TBC1D4: variants seen among roughly 807,000 people sequenced by gnomAD.
The protein encoded by TBC1D4 is TBC (Tre-2, BUB2, CDC16) domain-containing protein.
TBC1D4 carries 121 observed loss-of-function variants against 142.5 expected under a neutral mutation model. The ratio of observed to expected loss-of-function variants is 0.85; its 90% CI spans 0.73 to 0.99. TBC1D4 has a LOEUF of 0.99. Ranked by LOEUF, TBC1D4 falls within the 50% of genes least tolerant of loss-of-function variation. The probability of loss-of-function intolerance (pLI) is 0.00; values close to 1 mark genes in which losing one functional copy is unlikely to be tolerated. For synonymous variants in TBC1D4, 630 were observed against 628.2 expected, an observed-to-expected ratio of 1.00 and a Z score of -0.04; for missense variants, 1,475 against 1,606.6, an observed-to-expected ratio of 0.92 and a Z score of 1.40.
chr13:75,344,631 CA>C (rs1314436301), intron 5 of TBC1D4, among the ~76,000 whole-genome samples: 2 of 152,144 alleles, frequency 1.3e-5, no homozygotes, highest in Non-Finnish European at 2.9e-5. Flanking sequence ...TGGGAAACAG[CA>C]TTCCCCTTCG....
chr13:75,405,514 T>C (rs1885297500), intron 1 of TBC1D4, among the ~76,000 whole-genome samples: 1 of 152,146 alleles, frequency 6.6e-6, no homozygotes, highest in Admixed American at 6.5e-5. Context: ...TCAGGCAATA[T>C]GCCCGCCTTG....
At position 75,284,332 on chromosome 13, in the gene TBC1D4, G is replaced by C. The variant is rs1368671992; in HGVS notation, c.*2460C>G. ...ATTATTATATACTCACCATAATGTA[G>C]AATTAGTGGGAACCCTGACTGTTTT... On this transcript the variant is annotated 3_prime_UTR_variant, in exon 21 of 21. Transcript: ENST00000377636. Among the ~76,000 whole-genome samples, 1 of 152,066 alleles carries C rather than the reference G, an allele frequency of 6.6e-6. No homozygotes were observed. Among genetic ancestry groups the C allele is most frequent in the Non-Finnish European group, 1.5e-5 (1 of 68,016 alleles).
chr13:75,431,664 C>T (rs901142989), intron 1 of TBC1D4, among the ~76,000 whole-genome samples: 1 of 152,132 alleles, frequency 6.6e-6, no homozygotes, highest in Non-Finnish European at 1.5e-5. Context: ...TTTCATATTG[C>T]ATTCTTCTTA....
At chr13:75,405,789 C>T (rs1237815338) in intron 1 of TBC1D4, among the ~76,000 whole-genome samples, 6 of 151,734 alleles carry the variant, frequency 4.0e-5, no homozygotes, top group Admixed American at 2.6e-4. Flanking sequence ...GTTAAATTAA[C>T]CACTATGTAC....
chr13:75,420,191 G>T (rs1459556641), intron 1 of TBC1D4, among the ~76,000 whole-genome samples: 1 of 152,170 alleles, frequency 6.6e-6, no homozygotes, highest in Non-Finnish European at 1.5e-5. Flanking sequence ...TCCAGAAGGG[G>T]TGGGGGACTT....
chr13:75,377,587 C>A (rs1200093279), intron 1 of TBC1D4, among the ~76,000 whole-genome samples: 1 of 151,612 alleles, frequency 6.6e-6, no homozygotes, highest in Non-Finnish European at 1.5e-5. Flanking sequence ...AAAAACAAGA[C>A]ATTCGGTTAC....
chr13:75,372,274 CTTT>C (rs5804806), intron 1 of TBC1D4, among the ~76,000 whole-genome samples: 1 of 147,906 alleles, frequency 6.8e-6, no homozygotes, highest in Non-Finnish European at 1.5e-5. Flanking sequence ...TTAAGGCTCA[CTTT>C]TTTTTTTTTG....
chr13:75,378,159 G>C (rs1329276683), intron 1 of TBC1D4, among the ~76,000 whole-genome samples: 1 of 151,998 alleles, frequency 6.6e-6, no homozygotes, highest in Non-Finnish European at 1.5e-5. Context: ...ACACATACCA[G>C]CTTATGTAAT....
intron 1 of TBC1D4, among the ~76,000 whole-genome samples, chr13:75,380,537 AT>A (rs11366604): frequency 0.49 from 71,979 of 148,342 alleles, 17,909 homozygotes; most frequent in South Asian, 0.7. Flanking sequence ...ACTAGATAAG[AT>A]TTTTTTTTTT....
At chr13:75,367,178 G>C (rs1257214399) in intron 1 of TBC1D4, among the ~76,000 whole-genome samples, 2 of 152,126 alleles carry the variant, frequency 1.3e-5, no homozygotes, top group Non-Finnish European at 2.9e-5. Context: ...AAAGAGCAAA[G>C]CTTTAGCTTT....
chr13:75,350,814 T>A (rs1039005603), intron 4 of TBC1D4, among the ~76,000 whole-genome samples: 8 of 152,182 alleles, frequency 5.3e-5, no homozygotes, highest in African/African-American at 1.9e-4. Context: ...TGGGTCATGG[T>A]GTCTGAAATG....
intron 1 of TBC1D4, among the ~76,000 whole-genome samples, chr13:75,398,529 G>C (rs1048846017): frequency 6.6e-6 from 1 of 152,132 alleles, no homozygotes; most frequent in Non-Finnish European, 1.5e-5. Context: ...ATGAACTTGG[G>C]GGTCAACTTA....
chr13:75,329,498 G>T (rs1414848927), intron 8 of TBC1D4, among the ~76,000 whole-genome samples: 1 of 146,972 alleles, frequency 6.8e-6, no homozygotes, highest in African/African-American at 2.5e-5. Flanking sequence ...CTGTGTTTCT[G>T]CCCCAATCTG....
chr13:75,383,994 G>A (rs1161638318), intron 1 of TBC1D4, among the ~76,000 whole-genome samples: 11 of 152,044 alleles, frequency 7.2e-5, no homozygotes, highest in African/African-American at 2.2e-4. Flanking sequence ...GGAAGGGGGA[G>A]GGATAGCATT....
At chr13:75,445,780 G>A (rs1178562996) in intron 1 of TBC1D4, among the ~76,000 whole-genome samples, 3 of 152,176 alleles carry the variant, frequency 2.0e-5, no homozygotes, top group Non-Finnish European at 1.5e-5. Flanking sequence ...AAAAATGTAA[G>A]CAAATCAAAA....
intron 1 of TBC1D4, among the ~76,000 whole-genome samples, chr13:75,417,871 C>T (rs1339999378): frequency 6.6e-6 from 1 of 152,128 alleles, no homozygotes; most frequent in Non-Finnish European, 1.5e-5. Context: ...ATGTTCACAT[C>T]GTGCCAATTA....
chr13:75,417,668 T>C (rs1885977740), intron 1 of TBC1D4, among the ~76,000 whole-genome samples: 1 of 152,146 alleles, frequency 6.6e-6, no homozygotes, highest in Admixed American at 6.5e-5. Context: ...AGGAATCAAG[T>C]GTGTTTTGTT....
At chr13:75,418,557 C>G (rs959876230) in intron 1 of TBC1D4, among the ~76,000 whole-genome samples, 1 of 152,144 alleles carries the variant, frequency 6.6e-6, no homozygotes, top group African/African-American at 2.4e-5. Context: ...GAGAGGTCCC[C>G]TTAAGTTTTC....
intron 1 of TBC1D4, among the ~76,000 whole-genome samples, chr13:75,373,588 C>A (rs1012490305): frequency 6.6e-6 from 1 of 152,212 alleles, no homozygotes; most frequent in Non-Finnish European, 1.5e-5. Flanking sequence ...TCTAAATGCA[C>A]AACCTCCAAC....
Sources: gnomAD v4.1 joint callset for allele counts (sites outside exome capture counted in the v4.1 genomes callset) on GRCh38, gnomAD v4.1.1 for gene constraint, MANE v1.5 for transcripts, NCBI Gene and HGNC (gene_info 2026-07-23, HGNC 2026-07-21) for gene names.